The following KCNA6 variants were observed in gnomAD, a reference collection of about 807,000 sequenced individuals.
KCNA6 encodes human brain potassium channel-2.
In KCNA6, 17 loss-of-function variants were observed where a neutral mutation model predicts 29.5. The ratio of observed to expected loss-of-function variants is 0.58; its 90% CI spans 0.39 to 0.86. The LOEUF is 0.86. Among genes scored for constraint, KCNA6 ranks in the 40% least tolerant of loss-of-function variants. The pLI is 0.00. For missense variants in KCNA6, 450 were observed against 703.4 expected (o/e 0.64, Z 4.07); for synonymous variants, 296 against 304.7 (o/e 0.97, Z 0.30).
chr12:4,823,983 G>A, the KCNA6 span, among the ~76,000 whole-genome samples: 2 of 152,150 alleles, frequency 1.3e-5, no homozygotes, highest in African/African-American at 2.4e-5. Flanking sequence ...TAGGCAGAAG[G>A]TGATATCTGT....
chr12:4,831,759 A>T, the KCNA6 span, among the ~76,000 whole-genome samples: 23,681 of 152,166 alleles, frequency 0.16, 1,942 homozygotes, highest in Non-Finnish European at 0.17. Context: ...GAGAGCTTCC[A>T]TTCAGCTCAG....
the KCNA6 span, among the ~76,000 whole-genome samples, chr12:4,846,807 C>T: frequency 1.5e-5 from 2 of 137,840 alleles, no homozygotes; most frequent in African/African-American, 5.4e-5. Context: ...GAGACGGAGT[C>T]TCGCTCTGTT....
At chr12:4,826,971 G>A in the KCNA6 span, among the ~76,000 whole-genome samples, 2 of 152,050 alleles carry the variant, frequency 1.3e-5, no homozygotes, top group South Asian at 2.1e-4. Flanking sequence ...AATGATAAAC[G>A]TCTTCCTTCT....
chr12:4,837,092 G>C, the KCNA6 span, among the ~76,000 whole-genome samples: 1 of 152,158 alleles, frequency 6.6e-6, no homozygotes, highest in Non-Finnish European at 1.5e-5. Flanking sequence ...GGGGTGAGGG[G>C]CTGAAGGTCA....
chr12:4,831,480 G>C, the KCNA6 span, among the ~76,000 whole-genome samples: 120 of 152,278 alleles, frequency 7.9e-4, no homozygotes, highest in Non-Finnish European at 1.6e-4. Flanking sequence ...GGAAAAAAAC[G>C]TTCTGGTTCA....
In KCNA6 at chr12:4,811,759, C is replaced by A; in HGVS notation, c.*128C>A. The A allele has an allele frequency of 1.9e-6, 2 of 1,047,626 alleles. No individual in the cohort carries two copies. Among genetic ancestry groups the A allele is most frequent in the African/African-American group, 1.6e-5 (1 of 62,444 alleles). 64.9% of individuals were successfully genotyped at this position (1,047,626 alleles called of 1,614,324 possible). A position where few individuals can be genotyped will look rare whatever the true frequency, so the allele number is the denominator to read the frequency against. The stretch of plus-strand genomic sequence containing the variant: ...TCTCTCCCCTACACCCACTACCTGG[C>A]ATCCAGGACCAAATACCTGGACTAT... On this transcript the variant is annotated 3_prime_UTR_variant, in exon 1 of 1. Transcript: ENST00000280684. The surrounding 1 kb of genome is among the most constrained non-coding windows in gnomAD (Gnocchi z 7.1).
the KCNA6 span, among the ~76,000 whole-genome samples, chr12:4,848,865 C>T: frequency 6.6e-6 from 1 of 152,044 alleles, no homozygotes; most frequent in Non-Finnish European, 1.5e-5. Context: ...CCTGTAATCC[C>T]AGCACTTTGG....
downstream of KCNA6, among the ~76,000 whole-genome samples, chr12:4,816,236 A>G (rs1046348109): frequency 6.8e-6 from 1 of 147,834 alleles, no homozygotes; most frequent in African/African-American, 2.5e-5. Flanking sequence ...ATTCATGCAC[A>G]ATACCACGAA....
At chr12:4,813,183 G>C (rs1199026005) in exon 1 of KCNA6, 1 of 166,666 alleles carries the variant, frequency 6.0e-6, no homozygotes, top group Non-Finnish European at 1.5e-5. Context: ...AGCCTTATGA[G>C]GGTTTGCTTG....
At chr12:4,838,861 G>A in the KCNA6 span, 1 of 152,192 alleles carries the variant, frequency 6.6e-6, no homozygotes, top group African/African-American at 2.4e-5. Context: ...CCAATCCCAT[G>A]GGACTAGGGC....
the KCNA6 span, among the ~76,000 whole-genome samples, chr12:4,819,464 G>A: frequency 5.3e-4 from 80 of 152,284 alleles, no homozygotes; most frequent in Middle Eastern, 3.4e-3. Flanking sequence ...TTGCAGGTGG[G>A]GGTACCCCTT....
the KCNA6 span, among the ~76,000 whole-genome samples, chr12:4,848,386 C>T: frequency 6.6e-6 from 1 of 152,080 alleles, no homozygotes; most frequent in African/African-American, 2.4e-5. Context: ...CAGGGGCTTT[C>T]CATCATCTGC....
chr12:4,838,150 C>T, the KCNA6 span, among the ~76,000 whole-genome samples: 1 of 152,188 alleles, frequency 6.6e-6, no homozygotes, highest in Non-Finnish European at 1.5e-5. Flanking sequence ...CCTTGACCCT[C>T]TCCCAGAGCT....
the KCNA6 span, among the ~76,000 whole-genome samples, chr12:4,827,185 C>T: frequency 2.1e-4 from 21 of 99,460 alleles, no homozygotes; most frequent in Admixed American, 5.7e-4. Context: ...TCCTTCCTTC[C>T]CTCCTTCCTT....
chr12:4,848,172 G>C, the KCNA6 span, among the ~76,000 whole-genome samples: 3 of 152,122 alleles, frequency 2.0e-5, no homozygotes, highest in African/African-American at 4.8e-5. Context: ...GCTTGGCTTT[G>C]TGAGGTTGCA....
the KCNA6 span, among the ~76,000 whole-genome samples, chr12:4,841,640 A>G: frequency 6.6e-6 from 1 of 152,224 alleles, no homozygotes; most frequent in Admixed American, 6.5e-5. Flanking sequence ...GTTTTGTACC[A>G]TGTTAGCTTG....
At chr12:4,847,951 T>G in the KCNA6 span, among the ~76,000 whole-genome samples, 1 of 152,146 alleles carries the variant, frequency 6.6e-6, no homozygotes, top group Non-Finnish European at 1.5e-5. Context: ...CAACTGCCTG[T>G]TTGATATTAC....
the KCNA6 span, among the ~76,000 whole-genome samples, chr12:4,827,206 C>CTGCTTCCTTCCT: frequency 8.8e-6 from 1 of 113,826 alleles, no homozygotes; most frequent in Non-Finnish European, 1.8e-5. Context: ...CCTTCCTTCC[C>CTGCTTCCTTCCT]TCCTTCCTTC....
chr12:4,824,463 A>G, the KCNA6 span, among the ~76,000 whole-genome samples: 1 of 152,232 alleles, frequency 6.6e-6, no homozygotes, highest in African/African-American at 2.4e-5. Flanking sequence ...GGGGCTTACT[A>G]CCTTCTTAGA....
Sources: gnomAD v4.1 joint callset for allele counts (sites outside exome capture counted in the v4.1 genomes callset) on GRCh38, gnomAD v4.1.1 for gene constraint, Gnocchi (gnomAD v3.1) non-coding constraint, MANE v1.5 for transcripts, NCBI Gene and HGNC (gene_info 2026-07-23, HGNC 2026-07-21) for gene names.